Variants in ARHGAP21 observed in about 807,000 individuals in gnomAD.
ARHGAP21 encodes the protein rho GTPase-activating protein 21.
In ARHGAP21, 38 loss-of-function variants were observed where a neutral mutation model predicts 164.6. The ratio of observed to expected loss-of-function variants is 0.23; its 90% confidence interval spans 0.18 to 0.30. The LOEUF (loss-of-function observed/expected upper bound fraction) is 0.30, where lower values mean the gene tolerates loss of function less well. Ranked by LOEUF, ARHGAP21 falls within the 10% of genes least tolerant of loss-of-function variation. ARHGAP21 has a pLI of 1.00. For synonymous variants in ARHGAP21, 766 were observed against 857.9 expected (o/e 0.89, Z 1.87); for missense variants, 1,822 against 2,370.7 (o/e 0.77, Z 4.81).
At chr10:24,666,760 C>A (rs998970071) in intron 4 of ARHGAP21, among the ~76,000 whole-genome samples, 1 of 152,066 alleles carries the variant, frequency 6.6e-6, no homozygotes, top group Admixed American at 6.6e-5. Context: ...AAAACACATA[C>A]AATTAACAAC....
At chr10:24,642,567 C>T (rs960213081) in intron 4 of ARHGAP21, among the ~76,000 whole-genome samples, 6 of 150,604 alleles carry the variant, frequency 4.0e-5, no homozygotes, top group African/African-American at 1.2e-4. Flanking sequence ...CAGTTCTTCA[C>T]AGTATGTAGC....
Position 24,591,245 on chromosome 10 carries a change from A to C in ARHGAP21, c.4130T>G (p.Val1377Gly). Reference sequence around the variant, plus strand: ...GTTACCTGATACATCTCCTGGGGAGACTCCTGTCCTTCCAATGTTGGTGAG... The same window carrying C: ...GTTACCTGATACATCTCCTGGGGAGCCTCCTGTCCTTCCAATGTTGGTGAG... Reference protein sequence around the residue: ...HLLTNIGRTGVSPGDVSDSAT... With the variant: ...HLLTNIGRTGGSPGDVSDSAT... Residue 1377 changes from valine (V) to glycine (G), a missense_variant, in exon 24 of 26, where the codon GTC becomes GGC. Physicochemically the swap from Val to Gly is moderately radical, Grantham distance 109 (BLOSUM62 -3). Transcript: ENST00000396432. 3 of 1,611,852 alleles carry C rather than the reference A, an allele frequency of 1.9e-6. No individual in the cohort carries two copies. Among genetic ancestry groups the C allele is most frequent in the Non-Finnish European group, 1.7e-6 (2 of 1,179,766 alleles).
chr10:24,600,550 AT>A, intron 14 of ARHGAP21, 95 bp downstream of exon 14: 1 of 1,413,092 alleles, frequency 7.1e-7, no homozygotes, highest in African/African-American at 1.5e-5. Flanking sequence ...GCACATTATA[AT>A]TTTTTTATAA....
rs557855937 is a variant in ARHGAP21, at chr10:24,591,544, C to T, written c.4044+98G>A. 8.1e-5 allele frequency: 119 copies of T among 1,465,224 alleles called. No homozygotes were observed. In the South Asian group the frequency reaches 1.1e-3, roughly 14 times the overall value. The allele number at this position is 1,465,224 out of a possible 1,614,324, so 90.8% of individuals were successfully genotyped here. On this transcript the variant is annotated intron_variant, in intron 23 of 25. Transcript: ENST00000396432. ...AGAGACCTGCTTCCGGGGCGCAAAG[C>T]GGACAATAGCAAAGCAGGAAGTTGA... is the stretch of plus-strand genomic sequence containing the variant.
intron 9 of ARHGAP21, among the ~76,000 whole-genome samples, chr10:24,612,539 T>G (rs577184400): frequency 6.6e-6 from 1 of 152,300 alleles, no homozygotes; most frequent in East Asian, 1.9e-4. Flanking sequence ...GAGGAAATAT[T>G]GCTAATGGAT....
At chr10:24,615,892 C>T (rs1177977204) in intron 9 of ARHGAP21, among the ~76,000 whole-genome samples, 4 of 151,950 alleles carry the variant, frequency 2.6e-5, no homozygotes, top group African/African-American at 4.8e-5. Context: ...CTCCTGCCTC[C>T]GCCTCCCAAG....
chr10:24,717,917 C>G (rs969976472), intron 2 of ARHGAP21, among the ~76,000 whole-genome samples: 3 of 152,090 alleles, frequency 2.0e-5, no homozygotes, highest in South Asian at 2.1e-4. Context: ...TAGTAGGGAC[C>G]GGGTTTCACC....
At chr10:24,717,513 A>G (rs899677903) in intron 2 of ARHGAP21, among the ~76,000 whole-genome samples, 1 of 152,146 alleles carries the variant, frequency 6.6e-6, no homozygotes, top group African/African-American at 2.4e-5. Context: ...TTCCTGAGGA[A>G]GCAGTATTGA....
At chr10:24,636,691 AG>A (rs1836422509) in intron 4 of ARHGAP21, among the ~76,000 whole-genome samples, 1 of 152,208 alleles carries the variant, frequency 6.6e-6, no homozygotes. Flanking sequence ...TTAAATACTT[AG>A]CTATTTATTC....
At chr10:24,669,046 G>C (rs528529623) in intron 3 of ARHGAP21, among the ~76,000 whole-genome samples, 21 of 152,080 alleles carry the variant, frequency 1.4e-4, no homozygotes, top group Non-Finnish European at 3.1e-4. Context: ...ATCTAGTCCA[G>C]TTGTTTTATA....
chr10:24,620,831 G>C lies in ARHGAP21; in HGVS notation c.1064C>G (p.Ser355Cys), dbSNP rs1834466183. 6.2e-7 allele frequency: 1 copy of C among 1,614,126 alleles called. No homozygotes were observed. Among genetic ancestry groups the C allele is most frequent in the Non-Finnish European group, 8.5e-7 (1 of 1,179,976 alleles). The stretch of plus-strand genomic sequence containing the variant: ...AGATCTGCTGCTTGAGATTCCATCA[G>C]AATGTCCACTGTAATTTCCAGACTT... ...LLKSGNYSGH[S>C]DGISSSRSQA... Residue 355 changes from serine to cysteine, a missense_variant, in exon 9 of 26, where the codon TCT becomes TGT. Coordinates refer to ENST00000396432, the MANE Select transcript of ARHGAP21 (RefSeq NM_020824.4).
intron 7 of ARHGAP21, among the ~76,000 whole-genome samples, chr10:24,627,231 A>T (rs1336316598): frequency 6.6e-6 from 1 of 152,234 alleles, no homozygotes; most frequent in East Asian, 1.9e-4. Context: ...TGATTTTTAC[A>T]GTGGCTGTAA....
chr10:24,619,173 AT>A (rs1834287619), intron 9 of ARHGAP21, among the ~76,000 whole-genome samples: 4 of 152,204 alleles, frequency 2.6e-5, no homozygotes, highest in South Asian at 4.1e-4. Flanking sequence ...ACAATTAGGT[AT>A]AATTTGCTTC....
At chr10:24,695,603 A>T (rs1475971065) in intron 2 of ARHGAP21, among the ~76,000 whole-genome samples, 1 of 151,786 alleles carries the variant, frequency 6.6e-6, no homozygotes, top group Non-Finnish European at 1.5e-5. Context: ...AGCAAATGTG[A>T]TGGGATATCA....
chr10:24,664,307 A>G (rs1272572627), intron 4 of ARHGAP21, among the ~76,000 whole-genome samples: 1 of 152,120 alleles, frequency 6.6e-6, no homozygotes, highest in East Asian at 1.9e-4. Context: ...CTGTAATCCC[A>G]GCATTTTGGG....
At chr10:24,715,836 C>T (rs918266580) in intron 2 of ARHGAP21, among the ~76,000 whole-genome samples, 2 of 152,070 alleles carry the variant, frequency 1.3e-5, no homozygotes, top group African/African-American at 4.8e-5. Flanking sequence ...TGGCAAAACC[C>T]CATCTCTACT....
At chr10:24,721,692 T>C (rs1845955626) in intron 2 of ARHGAP21, 145 bp downstream of exon 2, 1 of 826,316 alleles carries the variant, frequency 1.2e-6, no homozygotes. Context: ...TCCTCGCTAC[T>C]GGTTAAGCTG....
At chr10:24,713,323 A>G (rs1049729619) in intron 2 of ARHGAP21, among the ~76,000 whole-genome samples, 1 of 152,252 alleles carries the variant, frequency 6.6e-6, no homozygotes, top group Non-Finnish European at 1.5e-5. Context: ...GCAACAGGGG[A>G]AAACATAGTA....
chr10:24,691,903 G>A (rs1346910408), intron 2 of ARHGAP21, among the ~76,000 whole-genome samples: 1 of 152,176 alleles, frequency 6.6e-6, no homozygotes, highest in East Asian at 1.9e-4. Flanking sequence ...ATTTTACAAA[G>A]AGAATCTTCA....
Sources: gnomAD v4.1 joint callset for allele counts (sites outside exome capture counted in the v4.1 genomes callset) on GRCh38, gnomAD v4.1.1 for gene constraint, MANE v1.5 for transcripts, NCBI Gene and HGNC (gene_info 2026-07-23, HGNC 2026-07-21) for gene names.